TDRD10: variants seen among roughly 807,000 people sequenced by gnomAD.
The protein encoded by TDRD10 is tudor domain containing 10, also known as tudor domain-containing protein 10.
Under a neutral mutation model 48.0 loss-of-function variants are expected in TDRD10, and 40 were observed. That is an observed-to-expected ratio of 0.83 (90% confidence interval 0.65 to 1.09). TDRD10 has a LOEUF of 1.09. Ranked by LOEUF, TDRD10 falls within the 50% of genes least tolerant of loss-of-function variation. The pLI is 0.00. For synonymous variants in TDRD10, 162 were observed against 170.4 expected, an observed-to-expected ratio of 0.95 and a Z score of 0.38; for missense variants, 378 against 434.7, an observed-to-expected ratio of 0.87 and a Z score of 1.16.
Position 154,507,253 on chromosome 1 carries a change from T to C in TDRD10, c.15T>C (p.Ile5=). 4 of 1,614,048 alleles carry C rather than the reference T, an allele frequency of 2.5e-6. No homozygotes were observed. Among genetic ancestry groups the C allele is most frequent in the Non-Finnish European group, 2.5e-6 (3 of 1,180,020 alleles). Residue 5 remains isoleucine, a synonymous_variant, in exon 3 of 13, where the codon ATT becomes ATC. Coordinates refer to ENST00000368482, the MANE Select transcript of TDRD10 (RefSeq NM_182499.4). ...CTGTGTTTGACAGGTCCTGGAACAT[T>C]AGTCACCCCCAACTCTCTGATAAAC... The part of the protein sequence containing the change: MSWN[I]SHPQLSDKLF...
At chr1:154,507,733 C>T (rs914490425) in intron 3 of TDRD10, among the ~76,000 whole-genome samples, 6 of 152,128 alleles carry the variant, frequency 3.9e-5, no homozygotes, top group African/African-American at 1.4e-4. Flanking sequence ...ATAGTTTGGC[C>T]TCACCTCCCT....
At chr1:154,537,051 A>T (rs1422377432) in intron 6 of TDRD10, among the ~76,000 whole-genome samples, 1 of 152,176 alleles carries the variant, frequency 6.6e-6, no homozygotes, top group Non-Finnish European at 1.5e-5. Flanking sequence ...AGCCAAGTAC[A>T]TCCCCACCTT....
At chr1:154,510,139 T>G (rs1418761345) in intron 4 of TDRD10, among the ~76,000 whole-genome samples, 4 of 152,004 alleles carry the variant, frequency 2.6e-5, no homozygotes, top group Non-Finnish European at 1.5e-5. Flanking sequence ...CATGGTAGTT[T>G]ACAGCTATAA....
chr1:154,541,913 A>G, intron 6 of TDRD10, 111 bp from the exon 7 acceptor site: 2 of 1,091,672 alleles, frequency 1.8e-6, no homozygotes, highest in Admixed American at 4.3e-5. Context: ...TCGGAGTCAG[A>G]ACAGGGGCTG....
intron 4 of TDRD10, among the ~76,000 whole-genome samples, chr1:154,511,403 G>A (rs1270954016): frequency 2.0e-5 from 3 of 152,062 alleles, no homozygotes; most frequent in African/African-American, 7.2e-5. Flanking sequence ...GGAGGCCGAG[G>A]TGGCCGGATC....
chr1:154,518,496 C>T (rs975107068), intron 4 of TDRD10, among the ~76,000 whole-genome samples: 2 of 152,008 alleles, frequency 1.3e-5, no homozygotes, highest in Non-Finnish European at 1.5e-5. Flanking sequence ...GGTGCGATCT[C>T]GGTTCACTGC....
chr1:154,528,979 A>C (rs1438429511), intron 6 of TDRD10, among the ~76,000 whole-genome samples: 1 of 152,184 alleles, frequency 6.6e-6, no homozygotes, highest in Admixed American at 6.5e-5. Context: ...GTTTGAGTAC[A>C]TCTATTTACT....
At chr1:154,514,889 A>G (rs575718356) in intron 4 of TDRD10, among the ~76,000 whole-genome samples, 1 of 81,260 alleles carries the variant, frequency 1.2e-5, no homozygotes, top group African/African-American at 4.0e-5. Flanking sequence ...TTTTTTTGAG[A>G]CGGAGCCTTA....
At chr1:154,543,142 G>A (rs1213862036) in intron 8 of TDRD10, among the ~76,000 whole-genome samples, 1 of 152,178 alleles carries the variant, frequency 6.6e-6, no homozygotes, top group Non-Finnish European at 1.5e-5. Flanking sequence ...GGGCATGGTG[G>A]TGGGCATCTG....
chr1:154,505,018 C>A (rs1693063511), intron 1 of TDRD10, among the ~76,000 whole-genome samples: 1 of 152,124 alleles, frequency 6.6e-6, no homozygotes, highest in Non-Finnish European at 1.5e-5. Context: ...CAAAAAACTA[C>A]ACAAATAGGT....
At chr1:154,519,751 G>T (rs1693959153) in intron 4 of TDRD10, among the ~76,000 whole-genome samples, 1 of 64,564 alleles carries the variant, frequency 1.5e-5, no homozygotes, top group Non-Finnish European at 3.9e-5. Flanking sequence ...TAAAGCGGGG[G>T]AGGTTGGTGC....
rs541490375 is a variant in TDRD10 at position 154,542,062 on chromosome 1, C to T, written c.408C>T (p.Thr136=). 9 of 1,613,850 alleles carry T rather than the reference C, an allele frequency of 5.6e-6. No homozygotes were observed. Among genetic ancestry groups the T allele is most frequent in the Admixed American group, 3.3e-5 (2 of 59,966 alleles). The change falls in exon 7 of 13, where the codon ACC becomes ACT. Residue 136 remains threonine (T), a synonymous_variant. Coordinates refer to ENST00000368482, the MANE Select transcript of TDRD10 (RefSeq NM_182499.4). ...EKASGEGFGK[T]AAIIQLAPKA... is the part of the protein sequence containing the mutation. ...CTTCTGGTGAAGGATTTGGCAAAACCGCCGGTGAGATTCTGCGCTGCCATC... is the reference window on the plus strand; with the variant it reads ...CTTCTGGTGAAGGATTTGGCAAAACTGCCGGTGAGATTCTGCGCTGCCATC...
rs1182591595 is a variant in TDRD10, at chr1:154,502,709, C to T, written c.-348C>T. On this transcript the variant is annotated 5_prime_UTR_variant, in exon 1 of 13. Transcript: ENST00000368482. The stretch of plus-strand genomic sequence containing the variant: ...GGAGTGTCACGTGCGCCGCTCACCC[C>T]CGGGAAGGAAGCCCCTCGCCCACCC... 1.3e-5 allele frequency: 2 copies of T among 152,314 alleles called. No individual in the cohort carries two copies. Among genetic ancestry groups the T allele is most frequent in the South Asian group, 2.1e-4 (1 of 4,836 alleles). 9.4% of individuals were successfully genotyped at this position (152,314 alleles called of 1,614,324 possible). A position where few individuals can be genotyped will look rare whatever the true frequency, so the allele number is the denominator to read the frequency against.
intron 6 of TDRD10, among the ~76,000 whole-genome samples, chr1:154,525,895 CAAAAA>C (rs59844127): frequency 1.3e-4 from 7 of 52,980 alleles, no homozygotes; most frequent in Non-Finnish European, 1.7e-4. Flanking sequence ...GATTCCGTCT[CAAAAA>C]AAAAAAAAAA....
chr1:154,541,673 GCAGGTAGTGCCAGCAGGGCAC>G (rs1319886549), intron 6 of TDRD10, among the ~76,000 whole-genome samples: 1 of 152,136 alleles, frequency 6.6e-6, no homozygotes, highest in Non-Finnish European at 1.5e-5. Context: ...TTTCCTCCCT[GCAGGTAGTGCCAGCAGGGCAC>G]CAGGATAAGC....
At chr1:154,508,569 T>C in intron 4 of TDRD10, 88 bp downstream of exon 4, 1 of 904,308 alleles carries the variant, frequency 1.1e-6, no homozygotes, top group Admixed American at 1.8e-5. Flanking sequence ...TCCCCAGTTT[T>C]TAAAGACGTT....
At chr1:154,527,928 A>G (rs763632195) in intron 6 of TDRD10, among the ~76,000 whole-genome samples, 1 of 152,246 alleles carries the variant, frequency 6.6e-6, no homozygotes, top group Non-Finnish European at 1.5e-5. Flanking sequence ...AAGATCTGGT[A>G]TACTCTTTAT....
At chr1:154,519,372 A>G (rs1471871573) in intron 4 of TDRD10, among the ~76,000 whole-genome samples, 1 of 152,252 alleles carries the variant, frequency 6.6e-6, no homozygotes, top group Non-Finnish European at 1.5e-5. Context: ...AAGATGGTAT[A>G]AATATCATTT....
chr1:154,533,894 T>TATATATATATA (rs199523039), intron 6 of TDRD10, among the ~76,000 whole-genome samples: 3 of 110,490 alleles, frequency 2.7e-5, no homozygotes, highest in Non-Finnish European at 5.4e-5. Context: ...TATATATATA[T>TATATATATATA]TTTTTTTTAA....
Sources: gnomAD v4.1 joint callset for allele counts (sites outside exome capture counted in the v4.1 genomes callset) on GRCh38, gnomAD v4.1.1 for gene constraint, MANE v1.5 for transcripts, NCBI Gene and HGNC (gene_info 2026-07-23, HGNC 2026-07-21) for gene names.